Variants in PTPN13 observed in about 807,000 individuals in gnomAD.
PTPN13 encodes the protein protein tyrosine phosphatase non-receptor type 13, also known as tyrosine-protein phosphatase non-receptor type 13.
Under a neutral mutation model 284.0 loss-of-function variants are expected in PTPN13, and 191 were observed. That is an observed-to-expected ratio of 0.67 (90% CI 0.60 to 0.76). PTPN13 has a LOEUF of 0.76. Ranked by LOEUF, PTPN13 falls within the 30% of genes least tolerant of loss-of-function variation. PTPN13 has a pLI of 0.00. For synonymous variants in PTPN13, 986 were observed against 1,022.3 expected, an observed-to-expected ratio of 0.96 and a Z score of 0.68; for missense variants, 2,797 against 2,939.9, an observed-to-expected ratio of 0.95 and a Z score of 1.12.
chr4:86,810,699 T>C (rs1745129906), intron 46 of PTPN13, among the ~76,000 whole-genome samples: 1 of 152,226 alleles, frequency 6.6e-6, no homozygotes, highest in East Asian at 1.9e-4. Context: ...CTTTTTTAGG[T>C]TGGAAACACC....
intron 33 of PTPN13, 110 bp downstream of exon 33, chr4:86,774,641 TTC>T: frequency 1.0e-6 from 1 of 996,558 alleles, no homozygotes; most frequent in East Asian, 3.2e-5. Flanking sequence ...GGTTTATGCT[TTC>T]TGTTTCCACC....
intron 9 of PTPN13, among the ~76,000 whole-genome samples, chr4:86,720,697 C>T (rs1483955861): frequency 6.6e-6 from 1 of 152,120 alleles, no homozygotes; most frequent in Non-Finnish European, 1.5e-5. Context: ...TTAGGTCACA[C>T]ATTTGTAAAA....
intron 1 of PTPN13, among the ~76,000 whole-genome samples, chr4:86,621,187 C>G (rs535654247): frequency 2.0e-5 from 3 of 152,282 alleles, no homozygotes; most frequent in Admixed American, 1.3e-4. Context: ...GACAAAAATC[C>G]TTTGTTGTGG....
Position 86,732,704 on chromosome 4 carries a change from A to G in PTPN13, c.1796A>G (p.Asp599Gly), listed in dbSNP as rs371792053. 45 of 1,613,548 alleles carry G rather than the reference A, an allele frequency of 2.8e-5. No homozygotes were observed. The highest frequency in any genetic ancestry group is 3.7e-5 in the Non-Finnish European group (44 of 1,179,704). ...AAAACTATATGTAAAGATGTGTTTG[A>G]TATGGTTGTGGCACATATTGGCTTA... ...DTKTICKDVF[D>G]MVVAHIGLVE... The change falls in exon 12 of 48, where the codon GAT becomes GGT. Residue 599 changes from aspartate (D) to glycine (G), a missense_variant. Physicochemically the swap from Asp to Gly is moderately conservative, Grantham distance 94. Transcript: ENST00000411767.
chr4:86,751,145 C>G (rs769000382), intron 19 of PTPN13, 21 bp downstream of exon 19: 1 of 1,485,450 alleles, frequency 6.7e-7, no homozygotes, highest in Non-Finnish European at 9.4e-7. Context: ...ACAAGCTTAC[C>G]TTCTTTGTCC....
intron 2 of PTPN13, among the ~76,000 whole-genome samples, chr4:86,662,661 C>G (rs1422511579): frequency 6.6e-6 from 1 of 152,158 alleles, no homozygotes; most frequent in Non-Finnish European, 1.5e-5. Flanking sequence ...CACTTTTAAG[C>G]AAACTGTCGT....
intron 2 of PTPN13, among the ~76,000 whole-genome samples, chr4:86,654,696 G>T (rs537948303): frequency 6.6e-6 from 1 of 152,308 alleles, no homozygotes; most frequent in African/African-American, 2.4e-5. Context: ...GTGATGTGGT[G>T]CTGAGAAGAA....
At chr4:86,726,279 T>C (rs1734241060) in intron 10 of PTPN13, among the ~76,000 whole-genome samples, 1 of 149,568 alleles carries the variant, frequency 6.7e-6, no homozygotes, top group African/African-American at 2.4e-5. Flanking sequence ...CTCTTTTTGC[T>C]TAGGATTGTC....
chr4:86,645,738 A>G (rs1039561680), intron 2 of PTPN13, among the ~76,000 whole-genome samples: 1 of 152,192 alleles, frequency 6.6e-6, no homozygotes, highest in Non-Finnish European at 1.5e-5. Flanking sequence ...CGAGAGACTC[A>G]GTATTGTTCA....
intron 3 of PTPN13, among the ~76,000 whole-genome samples, chr4:86,680,395 A>ATCTC (rs750901139): frequency 4.4e-5 from 6 of 135,398 alleles, no homozygotes; most frequent in South Asian, 2.4e-4. Flanking sequence ...CTATCTATCT[A>ATCTC]TCTATCTCTA....
At chr4:86,603,808 A>G (rs1764518553) in intron 1 of PTPN13, among the ~76,000 whole-genome samples, 1 of 152,136 alleles carries the variant, frequency 6.6e-6, no homozygotes, top group African/African-American at 2.4e-5. Flanking sequence ...GATGATGCTA[A>G]TAAAGTACCT....
At position 86,772,938 on chromosome 4, in the gene PTPN13, C is replaced by A. The variant is rs1475417361; in HGVS notation, c.5329C>A (p.His1777Asn). 3.1e-6 allele frequency: 5 copies of A among 1,602,550 alleles called. No homozygotes were observed. The South Asian group carries it at 5.7e-5, about 18-fold the overall frequency. ...WTPLKNDLEN[H>N]LEDFELEVEL... Reference sequence around the variant, plus strand: ...ACCTTTGAAAAATGACTTGGAAAATCACCTTGAAGACTTTGAACTGGTAAG... The same window carrying A: ...ACCTTTGAAAAATGACTTGGAAAATAACCTTGAAGACTTTGAACTGGTAAG... The change falls in exon 32 of 48, where the codon CAC (histidine) becomes AAC (asparagine). Residue 1777 changes from histidine (H) to asparagine (N), a missense_variant. Physicochemically the swap from His to Asn is moderately conservative, Grantham distance 68. Transcript: ENST00000411767.
chr4:86,750,931 A>G (rs374974536), intron 18 of PTPN13, 44 bp downstream of exon 18: 4 of 1,581,804 alleles, frequency 2.5e-6, no homozygotes, highest in East Asian at 2.2e-5. Context: ...TGTAAATTCT[A>G]CATTTCATAC....
At chr4:86,785,446 G>T (rs1741790188) in intron 39 of PTPN13, 78 bp downstream of exon 39, 3 of 1,247,636 alleles carry the variant, frequency 2.4e-6, no homozygotes, top group Admixed American at 2.7e-5. Context: ...GAGTAAATAT[G>T]TAATGCATTA....
intron 15 of PTPN13, among the ~76,000 whole-genome samples, chr4:86,737,663 T>C (rs1176863588): frequency 2.6e-5 from 4 of 152,086 alleles, no homozygotes; most frequent in African/African-American, 7.2e-5. Context: ...TTTTTTTTTT[T>C]CTAAAATGTC....
At chr4:86,792,371 A>G (rs186049881) in intron 40 of PTPN13, among the ~76,000 whole-genome samples, 7 of 152,364 alleles carry the variant, frequency 4.6e-5, no homozygotes, top group Admixed American at 3.9e-4. Context: ...AAAAGACCAA[A>G]TCTACATTTG....
intron 2 of PTPN13, among the ~76,000 whole-genome samples, chr4:86,638,371 G>A (rs1723307702): frequency 6.6e-6 from 1 of 152,164 alleles, no homozygotes; most frequent in Non-Finnish European, 1.5e-5. Context: ...GCATCGCCAA[G>A]TCAGTCCTAA....
At chr4:86,654,207 C>A (rs1341827820) in intron 2 of PTPN13, among the ~76,000 whole-genome samples, 2 of 152,052 alleles carry the variant, frequency 1.3e-5, no homozygotes, top group Non-Finnish European at 2.9e-5. Flanking sequence ...CACAAAAAAA[C>A]CCTTCAAAAA....
chr4:86,722,081 A>G, intron 9 of PTPN13, 131 bp from the exon 10 acceptor site: 1 of 737,192 alleles, frequency 1.4e-6, no homozygotes, highest in Non-Finnish European at 2.3e-6. Context: ...TGTAATGTAA[A>G]GATTCTTCTG....
Sources: allele counts gnomAD v4.1 joint callset (sites outside exome capture counted in the v4.1 genomes callset), GRCh38; gene constraint gnomAD v4.1.1; transcripts MANE v1.5; gene names NCBI Gene and HGNC (gene_info 2026-07-23, HGNC 2026-07-21).